Variants in CSMD2 observed in about 807,000 individuals in gnomAD.
The protein encoded by CSMD2 is CUB and Sushi multiple domains 2.
A neutral mutation model predicts 398.5 loss-of-function variants in CSMD2; 130 were observed. The observed-to-expected ratio is 0.33, with a 90% CI of 0.28 to 0.38. The LOEUF (loss-of-function observed/expected upper bound fraction) is 0.38. Ranked by LOEUF, CSMD2 falls within the 10% of genes least tolerant of loss-of-function variation. The pLI is 1.00. For synonymous variants in CSMD2, 1,828 were observed against 1,908.5 expected (o/e 0.96, Z 1.10); for missense variants, 3,829 against 4,764.9 (o/e 0.80, Z 5.78).
chr1:34,031,765 CAAAAAAAAAAA>C (rs556094322), intron 3 of CSMD2, among the ~76,000 whole-genome samples: 3 of 71,256 alleles, frequency 4.2e-5, no homozygotes, highest in African/African-American at 1.6e-4. Flanking sequence ...AAGGCAAAGG[CAAAAAAAAAAA>C]AAAAAAAAAA....
chr1:34,158,196 G>A (rs928718817), intron 1 of CSMD2, among the ~76,000 whole-genome samples: 20 of 152,110 alleles, frequency 1.3e-4, no homozygotes, highest in Non-Finnish European at 4.4e-5. Flanking sequence ...AAACTCCCAC[G>A]TTGCATAGCC....
At chr1:33,690,984 G>T (rs1437103933) in intron 25 of CSMD2, among the ~76,000 whole-genome samples, 1 of 152,216 alleles carries the variant, frequency 6.6e-6, no homozygotes, top group African/African-American at 2.4e-5. Context: ...CCGCAAGAGA[G>T]GGGGTGAGGG....
chr1:33,716,990 G>A (rs1646193477), intron 19 of CSMD2, among the ~76,000 whole-genome samples: 1 of 152,162 alleles, frequency 6.6e-6, no homozygotes, highest in African/African-American at 2.4e-5. Context: ...GAAAGCAGTT[G>A]ACAGCAGGAA....
intron 48 of CSMD2, 142 bp downstream of exon 48, chr1:33,580,611 A>ATAGGAGG: frequency 2.6e-6 from 2 of 766,176 alleles, no homozygotes; most frequent in South Asian, 3.8e-5. Context: ...GAATAGAAAA[A>ATAGGAGG]TAGGAGGTAG....
At chr1:33,602,348 T>C in intron 43 of CSMD2, 21 bp downstream of exon 43, 2 of 1,613,366 alleles carry the variant, frequency 1.2e-6, no homozygotes, top group Non-Finnish European at 1.7e-6. Context: ...TAATTGGCTG[T>C]TGACATGGCA....
At position 33,888,829 on chromosome 1, in the gene CSMD2, G is replaced by GC. The variant is rs1257575605; in HGVS notation, c.920+29264dup. Among the ~76,000 whole-genome samples, 10 of 151,992 alleles carry GC rather than the reference G, an allele frequency of 6.6e-5. No homozygotes were observed. In the East Asian group the frequency reaches 1.9e-3, roughly 29 times the overall value. On this transcript the variant is annotated intron_variant, in intron 5 of 70. Transcript: ENST00000373381. Reference sequence around the variant, plus strand: ...GTCGCCCAGGCTGGAGTGCAGTGGCGCAATATCGGCTCACTGCAAGCTCCG... The same window carrying GC: ...GTCGCCCAGGCTGGAGTGCAGTGGCGCCAATATCGGCTCACTGCAAGCTCCG...
intron 1 of CSMD2, among the ~76,000 whole-genome samples, chr1:34,135,228 C>A (rs1309057542): frequency 6.9e-6 from 1 of 144,932 alleles, no homozygotes; most frequent in Non-Finnish European, 1.5e-5. Context: ...TAGACATCTG[C>A]CCTCATGTTG....
intron 14 of CSMD2, among the ~76,000 whole-genome samples, chr1:33,740,830 C>T (rs866230145): frequency 8.5e-5 from 13 of 152,264 alleles, no homozygotes; most frequent in South Asian, 4.1e-4. Flanking sequence ...CATACACGCG[C>T]GCGCGTGCAT....
rs1295225461 is a variant in CSMD2, at chr1:34,023,508, A to G, written c.517+9086T>C. On this transcript the variant is annotated intron_variant, in intron 3 of 70. Transcript: ENST00000373381. The stretch of plus-strand genomic sequence containing the variant: ...CAATAGCTACCATTGCAGGACTCCT[A>G]CTGTGTGGCAGGCCCTAGACTAAGG... 3.3e-5 allele frequency among the ~76,000 whole-genome samples: 5 copies of G among 152,204 alleles called. No homozygotes were observed. In the South Asian group the frequency reaches 8.3e-4, roughly 25 times the overall value.
chr1:33,670,986 G>A (rs1644478187), intron 25 of CSMD2, among the ~76,000 whole-genome samples: 1 of 152,178 alleles, frequency 6.6e-6, no homozygotes, highest in African/African-American at 2.4e-5. Flanking sequence ...GGGGGTGGGT[G>A]AGGAGGGTGA....
chr1:34,009,590 G>A (rs990132366), intron 3 of CSMD2, among the ~76,000 whole-genome samples: 22 of 151,842 alleles, frequency 1.4e-4, no homozygotes, highest in Admixed American at 6.6e-5. Flanking sequence ...TCTCTCCCAA[G>A]ACTCCCTCGC....
At chr1:33,576,297 A>G (rs981663430) in intron 49 of CSMD2, among the ~76,000 whole-genome samples, 2 of 152,244 alleles carry the variant, frequency 1.3e-5, no homozygotes, top group African/African-American at 4.8e-5. Context: ...GAAGTATAAT[A>G]TTAACAATAG....
At chr1:33,965,045 G>A (rs539821511) in intron 3 of CSMD2, among the ~76,000 whole-genome samples, 125 of 152,370 alleles carry the variant, frequency 8.2e-4, no homozygotes, top group African/African-American at 2.8e-3. Flanking sequence ...CAGAGGCAGA[G>A]GGCTGCTTGG....
intron 25 of CSMD2, among the ~76,000 whole-genome samples, chr1:33,675,993 G>A (rs1374235035): frequency 6.6e-6 from 1 of 152,120 alleles, no homozygotes; most frequent in East Asian, 1.9e-4. Flanking sequence ...CAAACCCAAA[G>A]CCAATGTCAT....
chr1:33,955,343 G>C (rs1420654294), intron 3 of CSMD2, among the ~76,000 whole-genome samples: 1 of 152,208 alleles, frequency 6.6e-6, no homozygotes, highest in Non-Finnish European at 1.5e-5. Flanking sequence ...CCACGCAGGA[G>C]GCTGAGCATG....
At position 33,537,718 on chromosome 1, in the gene CSMD2, T is replaced by C. The variant is rs879473617; in HGVS notation, c.9632-109A>G. Reference sequence around the variant, plus strand: ...TGCACTGCTCCCTTCCTGGTTGAGCTTGAACTCTGGGAACCGGGGCAGCCC... The same window carrying C: ...TGCACTGCTCCCTTCCTGGTTGAGCCTGAACTCTGGGAACCGGGGCAGCCC... On this transcript the variant is annotated intron_variant, in intron 60 of 70. Transcript: ENST00000373381. This position sits in a 1 kb window ranked among gnomAD's most constrained non-coding sequence, Gnocchi z 4.6. 20 of 1,238,166 alleles carry C rather than the reference T, an allele frequency of 1.6e-5. No individual in the cohort carries two copies. Among genetic ancestry groups the C allele is most frequent in the Non-Finnish European group, 2.2e-5 (20 of 917,892 alleles). The allele number at this position is 1,238,166 out of a possible 1,614,324, so 76.7% of individuals were successfully genotyped here.
At chr1:33,753,834 G>A (rs1648609514) in intron 13 of CSMD2, among the ~76,000 whole-genome samples, 1 of 152,256 alleles carries the variant, frequency 6.6e-6, no homozygotes, top group South Asian at 2.1e-4. Context: ...TTTAATCTCT[G>A]CCTTGCTGGG....
At chr1:34,110,811 G>A (rs1661007931) in intron 1 of CSMD2, among the ~76,000 whole-genome samples, 1 of 152,074 alleles carries the variant, frequency 6.6e-6, no homozygotes, top group Non-Finnish European at 1.5e-5. Flanking sequence ...TAATATCTAG[G>A]TGACAAAATA....
In CSMD2 at chr1:33,559,017, TATAAG is replaced by T. The variant is rs1220734950; in HGVS notation, c.8554+278_8554+282del. Among the ~76,000 whole-genome samples, 1 of 152,232 alleles carries T rather than the reference TATAAG, an allele frequency of 6.6e-6. No homozygotes were observed. The highest frequency in any genetic ancestry group is 1.5e-5 in the Non-Finnish European group (1 of 68,036). ...CCTCTGTTAAAAAATAACGGGGCTT[TATAAG>T]ATAATGATACATTATTTGTTCAATG... is the stretch of plus-strand genomic sequence containing the variant. On this transcript the variant is annotated intron_variant, in intron 54 of 70. Coordinates refer to ENST00000373381, the MANE Select transcript of CSMD2 (RefSeq NM_001281956.2). The surrounding 1 kb of genome is among the most constrained non-coding windows in gnomAD (Gnocchi z 4.0).
Sources: allele counts gnomAD v4.1 joint callset (sites outside exome capture counted in the v4.1 genomes callset), GRCh38; gene constraint gnomAD v4.1.1; non-coding constraint Gnocchi (gnomAD v3.1); transcripts MANE v1.5; gene names NCBI Gene and HGNC (gene_info 2026-07-23, HGNC 2026-07-21).